Variants in RANBP2 observed in about 807,000 individuals in gnomAD.
RANBP2 encodes RAN binding protein 2.
A neutral mutation model predicts 303.6 loss-of-function variants in RANBP2; 57 were observed. That is an observed-to-expected ratio of 0.19 (90% CI 0.15 to 0.23). The LOEUF is 0.23. Ranked by LOEUF, RANBP2 falls within the 10% of genes least tolerant of loss-of-function variation. The probability of loss-of-function intolerance (pLI) is 1.00; values close to 1 mark genes in which losing one functional copy is unlikely to be tolerated. For missense variants in RANBP2, 3,138 were observed against 3,780.8 expected (o/e 0.83, Z 4.46); for synonymous variants, 1,167 against 1,301.5 (o/e 0.90, Z 2.23).
the RANBP2 span, among the ~76,000 whole-genome samples, chr2:108,989,824 GA>G: frequency 6.7e-3 from 1,009 of 151,664 alleles, 6 homozygotes; most frequent in Middle Eastern, 0.014. Flanking sequence ...TTGGGGGGGG[GA>G]AAACAGCCTT....
chr2:109,730,952 C>A, the RANBP2 span, among the ~76,000 whole-genome samples: 1 of 151,966 alleles, frequency 6.6e-6, no homozygotes, highest in South Asian at 2.1e-4. Flanking sequence ...CCATGCCCAG[C>A]TAATTTTGTA....
At chr2:109,330,485 G>A in the RANBP2 span, among the ~76,000 whole-genome samples, 1 of 151,956 alleles carries the variant, frequency 6.6e-6, no homozygotes, top group African/African-American at 2.4e-5. Flanking sequence ...TACGAACTTT[G>A]TAAGAATGGG....
Position 108,784,803 on chromosome 2 carries a change from C to T in RANBP2, c.*902C>T, listed in dbSNP as rs826556. ...GACAATTCCTAAGAGCCACTGACAT[C>T]CAAAAAATTCATTACTTACGCTTCG... On this transcript the variant is annotated 3_prime_UTR_variant, in exon 29 of 29. Coordinates refer to ENST00000283195, the MANE Select transcript of RANBP2 (RefSeq NM_006267.5). 54,377 of 152,370 alleles carry T rather than the reference C, an allele frequency of 0.36. 13,093 individuals are homozygous for T. Among genetic ancestry groups the T allele is most frequent in the African/African-American group, 0.69 (28,525 of 41,422 alleles). 9.4% of individuals were successfully genotyped at this position (152,370 alleles called of 1,614,324 possible). A position where few individuals can be genotyped will look rare whatever the true frequency, so the allele number is the denominator to read the frequency against.
chr2:109,525,532 G>A, the RANBP2 span, among the ~76,000 whole-genome samples: 2 of 152,162 alleles, frequency 1.3e-5, no homozygotes, highest in African/African-American at 4.8e-5. Flanking sequence ...CCGAGCTGAC[G>A]CCAACCACAA....
chr2:109,010,991 C>T, the RANBP2 span, among the ~76,000 whole-genome samples: 1 of 152,314 alleles, frequency 6.6e-6, no homozygotes, highest in Non-Finnish European at 1.5e-5. Flanking sequence ...GCTTCACCTT[C>T]ACCTTCTCAG....
At chr2:108,727,122 A>G (rs963670178) in intron 1 of RANBP2, among the ~76,000 whole-genome samples, 1 of 152,166 alleles carries the variant, frequency 6.6e-6, no homozygotes, top group African/African-American at 2.4e-5. Context: ...CATTGTCATC[A>G]TGGCCCGTTC....
chr2:108,750,825 A>G (rs1473676831), intron 9 of RANBP2, among the ~76,000 whole-genome samples: 1 of 152,192 alleles, frequency 6.6e-6, no homozygotes, highest in East Asian at 1.9e-4. Flanking sequence ...CTGACTGCGC[A>G]GAACCTTTTC....
chr2:109,677,730 T>C, the RANBP2 span, among the ~76,000 whole-genome samples: 3 of 152,130 alleles, frequency 2.0e-5, no homozygotes, highest in East Asian at 5.8e-4. Flanking sequence ...TGAACCAAAT[T>C]GTCGTGCTCC....
chr2:109,389,363 C>G, the RANBP2 span, among the ~76,000 whole-genome samples: 1 of 152,240 alleles, frequency 6.6e-6, no homozygotes, highest in Non-Finnish European at 1.5e-5. Context: ...TGGGTGCCGA[C>G]AGCTTTCTGT....
the RANBP2 span, among the ~76,000 whole-genome samples, chr2:109,177,036 G>A: frequency 6.6e-6 from 1 of 152,196 alleles, no homozygotes; most frequent in Admixed American, 6.5e-5. Context: ...TCAGCCACCT[G>A]CTGTGTGACC....
the RANBP2 span, among the ~76,000 whole-genome samples, chr2:109,476,310 A>G: frequency 6.6e-6 from 1 of 152,140 alleles, no homozygotes; most frequent in Non-Finnish European, 1.5e-5. Context: ...GTGAAGATCA[A>G]ATGAGATCAT....
the RANBP2 span, among the ~76,000 whole-genome samples, chr2:109,021,695 C>T: frequency 2.0e-5 from 3 of 151,450 alleles, no homozygotes; most frequent in African/African-American, 4.9e-5. Flanking sequence ...GGACACTGGC[C>T]TCGCAGGCAG....
chr2:108,805,599 C>T, the RANBP2 span, among the ~76,000 whole-genome samples: 26 of 151,714 alleles, frequency 1.7e-4, no homozygotes, highest in Middle Eastern at 3.4e-3. Context: ...TGATGGCGGG[C>T]GCCTGTAGTC....
the RANBP2 span, among the ~76,000 whole-genome samples, chr2:109,686,152 C>G: frequency 1.3e-5 from 2 of 151,892 alleles, no homozygotes; most frequent in African/African-American, 4.8e-5. Flanking sequence ...GGAGCACTGG[C>G]AGTGCTGTGG....
chr2:109,023,137 G>A, the RANBP2 span, among the ~76,000 whole-genome samples: 1 of 152,186 alleles, frequency 6.6e-6, no homozygotes, highest in Non-Finnish European at 1.5e-5. Context: ...ATGCTTCTGC[G>A]CTCTTAAGCA....
chr2:109,404,454 C>T, the RANBP2 span, among the ~76,000 whole-genome samples: 6 of 152,202 alleles, frequency 3.9e-5, no homozygotes, highest in Non-Finnish European at 7.3e-5. Flanking sequence ...TCAGCAGCCA[C>T]TCTGCAGGGG....
chr2:108,788,837 C>T (rs767448094), downstream of RANBP2: 6 of 1,613,670 alleles, frequency 3.7e-6, no homozygotes, highest in African/African-American at 8.0e-5. Flanking sequence ...TTCATGGTTT[C>T]TTTGTCGTTG....
Position 108,751,883 on chromosome 2 carries a change from A to G in RANBP2, c.1644A>G (p.Val548=), listed in dbSNP as rs1057955. The G allele has an allele frequency of 3.7e-5, 60 of 1,611,830 alleles. No individual in the cohort carries two copies. The East Asian group carries it at 4.2e-4, about 11-fold the overall frequency. Residue 548 remains valine (V), a synonymous_variant, in exon 12 of 29, where the codon GTA becomes GTG. Transcript: ENST00000283195. ...AACTATTTTTTAGACCTGGAAACGT[A>G]GCAAAATTGAGACTTCTAGTTCAGC... The part of the protein sequence containing the change: ...LIHRKAVPGN[V]AKLRLLVQHE...
the RANBP2 span, among the ~76,000 whole-genome samples, chr2:108,840,805 T>G: frequency 2.2e-3 from 336 of 152,026 alleles, 1 homozygote; most frequent in Non-Finnish European, 3.6e-3. Context: ...TCTTTTTTTC[T>G]TTTTTTCTTT....
Sources: allele counts gnomAD v4.1 joint callset (sites outside exome capture counted in the v4.1 genomes callset), GRCh38; gene constraint gnomAD v4.1.1; transcripts MANE v1.5; gene names NCBI Gene and HGNC (gene_info 2026-07-23, HGNC 2026-07-21).